The following ADGRV1 variants were observed in gnomAD, a reference collection of about 807,000 sequenced individuals.
ADGRV1 encodes the protein adhesion G protein-coupled receptor V1, also known as G-protein coupled receptor 98.
In ADGRV1, 359 loss-of-function variants were observed where a neutral mutation model predicts 596.2. The ratio of observed to expected loss-of-function variants is 0.60; its 90% confidence interval spans 0.55 to 0.66. ADGRV1 has a LOEUF of 0.66. Ranked by LOEUF, ADGRV1 falls within the 30% of genes least tolerant of loss-of-function variation. The pLI, the probability that ADGRV1 is intolerant of heterozygous loss-of-function variation, is 0.00. For synonymous variants in ADGRV1, 2,681 were observed against 2,679.2 expected, an observed-to-expected ratio of 1.00 and a Z score of -0.02; for missense variants, 7,274 against 7,575.6, an observed-to-expected ratio of 0.96 and a Z score of 1.48.
chr5:91,143,275 C>A (rs1795254589), intron 87 of ADGRV1, among the ~76,000 whole-genome samples: 2 of 152,238 alleles, frequency 1.3e-5, no homozygotes, highest in Admixed American at 1.3e-4. Flanking sequence ...GCTCTTCTCT[C>A]CTTGTTGCCT....
At chr5:90,989,860 G>A (rs975291342) in intron 85 of ADGRV1, among the ~76,000 whole-genome samples, 9 of 151,686 alleles carry the variant, frequency 5.9e-5, no homozygotes, top group Middle Eastern at 6.8e-3. Context: ...CTTGTTGCCC[G>A]GGCTGGAGTG....
chr5:91,129,099 C>T (rs762086248), intron 87 of ADGRV1, among the ~76,000 whole-genome samples: 1 of 152,176 alleles, frequency 6.6e-6, no homozygotes, highest in Non-Finnish European at 1.5e-5. Context: ...TTTCCTATGG[C>T]ATTTATGAGT....
chr5:91,069,900 A>G (rs567486045), intron 85 of ADGRV1, among the ~76,000 whole-genome samples: 1 of 151,332 alleles, frequency 6.6e-6, no homozygotes, highest in Non-Finnish European at 1.5e-5. Context: ...AATGTGGTAC[A>G]TATAAACCAT....
Position 90,629,313 on chromosome 5 carries a change from C to T in ADGRV1, c.1613C>T (p.Ser538Phe). The stretch of plus-strand genomic sequence containing the variant: ...AGCAGCCCAGGTGAACGATACTTAT[C>T]CTTGAGTTTTACAAGACTAGGAGGG... ...IESSPGERYLSLSFTRLGGTK... is the reference protein window; with the variant it reads ...IESSPGERYLFLSFTRLGGTK... The change falls in exon 9 of 90, where the codon TCC becomes TTC. Residue 538 changes from serine to phenylalanine, a missense_variant. By Grantham distance (155) the Ser-to-Phe change is radical. Transcript: ENST00000405460. 1 of 1,613,508 alleles carries T rather than the reference C, an allele frequency of 6.2e-7. No individual in the cohort carries two copies. Among genetic ancestry groups the T allele is most frequent in the Non-Finnish European group, 8.5e-7 (1 of 1,179,714 alleles).
intron 74 of ADGRV1, among the ~76,000 whole-genome samples, chr5:90,812,417 A>C (rs936102231): frequency 6.6e-6 from 1 of 152,234 alleles, no homozygotes; most frequent in African/African-American, 2.4e-5. Flanking sequence ...TGCAGTGTAG[A>C]ATAATTTAAT....
chr5:90,773,032 G>T (rs1757856442), intron 59 of ADGRV1, among the ~76,000 whole-genome samples: 1 of 152,072 alleles, frequency 6.6e-6, no homozygotes, highest in Non-Finnish European at 1.5e-5. Context: ...GCTGAGCATG[G>T]TTAACGCACA....
At chr5:90,820,489 T>C (rs1331492307) in intron 75 of ADGRV1, among the ~76,000 whole-genome samples, 1 of 152,156 alleles carries the variant, frequency 6.6e-6, no homozygotes, top group African/African-American at 2.4e-5. Context: ...GCTCATTAGT[T>C]GATGCAGTTT....
At chr5:90,996,729 A>G (rs966440815) in intron 85 of ADGRV1, among the ~76,000 whole-genome samples, 2 of 152,224 alleles carry the variant, frequency 1.3e-5, no homozygotes, top group African/African-American at 4.8e-5. Flanking sequence ...ATGCCAGCCC[A>G]TGAAAGCAGC....
At chr5:90,868,648 C>CT (rs35485525) in intron 83 of ADGRV1, among the ~76,000 whole-genome samples, 2,829 of 137,176 alleles carry the variant, frequency 0.021, 88 homozygotes, top group African/African-American at 0.068. Context: ...GTATGTAAGC[C>CT]TTTTTTTTTT....
intron 85 of ADGRV1, among the ~76,000 whole-genome samples, chr5:91,063,846 C>CTGG (rs199538556): frequency 3.0e-3 from 459 of 151,142 alleles, no homozygotes; most frequent in African/African-American, 7.4e-3. Context: ...CATAGGGGAG[C>CTGG]TGGTGGTGGT....
chr5:91,066,606 G>A (rs1365135145), intron 85 of ADGRV1, among the ~76,000 whole-genome samples: 1 of 152,242 alleles, frequency 6.6e-6, no homozygotes, highest in East Asian at 1.9e-4. Flanking sequence ...ATTTGGGGAT[G>A]TGGAATCATA....
At chr5:91,099,210 A>G (rs1482029929) in intron 86 of ADGRV1, among the ~76,000 whole-genome samples, 3 of 151,954 alleles carry the variant, frequency 2.0e-5, no homozygotes, top group South Asian at 2.1e-4. Context: ...CAATTTGTAT[A>G]TATTGTGATG....
intron 25 of ADGRV1, among the ~76,000 whole-genome samples, chr5:90,677,052 T>G (rs1176917321): frequency 1.3e-5 from 2 of 152,170 alleles, no homozygotes; most frequent in Admixed American, 6.5e-5. Flanking sequence ...CGATATGCAT[T>G]GTTAATTACC....
rs142376175 is a variant in ADGRV1 at position 90,582,470 on chromosome 5, T to C, written c.22+23553T>C. 7.1e-3 allele frequency among the ~76,000 whole-genome samples: 1,088 copies of C among 152,290 alleles called. 13 individuals are homozygous for C. The highest frequency in any genetic ancestry group is 0.025 in the African/African-American group (1,045 of 41,558). On this transcript the variant is annotated intron_variant, in intron 1 of 89. Transcript: ENST00000405460. Reference sequence around the variant, plus strand: ...TACCTTTCATTGTCCTTCTTAACTTTTATTGGTTTAAAGTCTGTTTTATTT... The same window carrying C: ...TACCTTTCATTGTCCTTCTTAACTTCTATTGGTTTAAAGTCTGTTTTATTT...
intron 1 of ADGRV1, among the ~76,000 whole-genome samples, chr5:90,607,950 G>A (rs77668018): frequency 6.6e-6 from 1 of 151,802 alleles, no homozygotes; most frequent in East Asian, 1.9e-4. Context: ...ATACAAAGAG[G>A]GAAGATTTTT....
intron 1 of ADGRV1, among the ~76,000 whole-genome samples, chr5:90,605,132 T>TA (rs1258281208): frequency 6.6e-6 from 1 of 152,152 alleles, no homozygotes; most frequent in Non-Finnish European, 1.5e-5. Context: ...AATCAGAAGT[T>TA]CAGTTACATG....
intron 1 of ADGRV1, among the ~76,000 whole-genome samples, chr5:90,602,859 G>T (rs1238265686): frequency 6.6e-6 from 1 of 152,240 alleles, no homozygotes; most frequent in African/African-American, 2.4e-5. Flanking sequence ...GTGGTTAAAA[G>T]ATTTGTGGTG....
At chr5:90,730,960 A>T (rs1752471440) in intron 50 of ADGRV1, among the ~76,000 whole-genome samples, 1 of 152,186 alleles carries the variant, frequency 6.6e-6, no homozygotes, top group South Asian at 2.1e-4. Context: ...ATTATATGTA[A>T]GTCAATGTTA....
rs770102280 is a variant in ADGRV1, at chr5:90,985,330, G to A, written c.17974-14G>A. ...AAGAAGAGCCTGTTCATTTTATGTT[G>A]TTTTCTTCCTTAGTCTGTGAATTTC... On this transcript the variant is annotated splice_polypyrimidine_tract_variant and intron_variant, in intron 84 of 89. Transcript: ENST00000405460. 1.2e-5 allele frequency: 19 copies of A among 1,581,404 alleles called. 1 individual carries two copies. Among genetic ancestry groups the A allele is most frequent in the South Asian group, 4.7e-5 (4 of 84,764 alleles).
Sources: allele counts gnomAD v4.1 joint callset (sites outside exome capture counted in the v4.1 genomes callset), GRCh38; gene constraint gnomAD v4.1.1; transcripts MANE v1.5; gene names NCBI Gene and HGNC (gene_info 2026-07-23, HGNC 2026-07-21).